Variants in RFX1 observed in about 807,000 individuals in gnomAD.
RFX1 encodes regulatory factor X1.
Under a neutral mutation model 119.6 loss-of-function variants are expected in RFX1, and 42 were observed. That is an observed-to-expected ratio of 0.35 (90% confidence interval 0.27 to 0.45). The LOEUF (loss-of-function observed/expected upper bound fraction) is 0.45. Ranked by LOEUF, RFX1 falls within the 20% of genes least tolerant of loss-of-function variation. RFX1 has a pLI of 1.00. For missense variants in RFX1, 1,118 were observed against 1,368.1 expected (o/e 0.82, Z 2.88); for synonymous variants, 628 against 618.5 (o/e 1.02, Z -0.23).
chr19:13,977,936 TG>T, intron 8 of RFX1, 55 bp downstream of exon 8: 2 of 1,351,264 alleles, frequency 1.5e-6, no homozygotes, highest in Admixed American at 1.9e-5. Context: ...CCTGGGAGAC[TG>T]GGGAGGCTCC....
At chr19:13,982,838 G>A (rs928443900) in intron 4 of RFX1, among the ~76,000 whole-genome samples, 6 of 152,194 alleles carry the variant, frequency 3.9e-5, no homozygotes, top group African/African-American at 1.2e-4. Flanking sequence ...CACCTCATGC[G>A]CAGCCTTCTG....
chr19:13,987,473 C>G (rs1043661051), intron 2 of RFX1, among the ~76,000 whole-genome samples: 2 of 152,170 alleles, frequency 1.3e-5, no homozygotes, highest in Non-Finnish European at 2.9e-5. Context: ...GGTCCCTGGT[C>G]AGCTCCGATT....
chr19:13,993,822 C>T lies in RFX1; in HGVS notation c.22G>A (p.Glu8Lys), dbSNP rs760268811. Residue 8 changes from glutamate (E) to lysine (K), a missense_variant, in exon 2 of 21, where the codon GAG (glutamate) becomes AAG (lysine). Glu to Lys is a moderately conservative substitution (Grantham distance 56, BLOSUM62 1). This residue lies in a region of RFX1 where 542 missense variants were observed against 602.7 expected (regional missense o/e 0.90). Coordinates refer to ENST00000254325, the MANE Select transcript of RFX1 (RefSeq NM_002918.5). ...GATGGTGGCGGGGCTGCCTGTAGCT[C>T]AGTATACGCCTGTGTTGCCATGCCA... The part of the protein sequence containing the change: MATQAYT[E>K]LQAAPPPSQP... 1 of 1,582,176 alleles carries T rather than the reference C, an allele frequency of 6.3e-7. No individual in the cohort carries two copies. Among genetic ancestry groups the T allele is most frequent in the Non-Finnish European group, 8.5e-7 (1 of 1,169,748 alleles).
chr19:13,964,146 A>G (rs1973818190), intron 16 of RFX1, 139 bp from the exon 17 acceptor site: 2 of 939,980 alleles, frequency 2.1e-6, no homozygotes, highest in Admixed American at 3.1e-5. Context: ...TTTTGTTGGG[A>G]CACAGAAGGA....
intron 1 of RFX1, among the ~76,000 whole-genome samples, chr19:14,004,660 T>C (rs1277178067): frequency 3.3e-5 from 5 of 152,158 alleles, no homozygotes; most frequent in Non-Finnish European, 7.3e-5. Context: ...CTGGAGAAGT[T>C]AGGACCCGCC....
intron 18 of RFX1, 46 bp downstream of exon 18, chr19:13,963,492 G>A (rs946103289): frequency 2.0e-6 from 3 of 1,528,508 alleles, no homozygotes; most frequent in African/African-American, 1.4e-5. Flanking sequence ...CAGGGACGCG[G>A]GGCCTTCCCT....
At position 13,965,843 on chromosome 19, in the gene RFX1, G is replaced by A; in HGVS notation, c.1962-66C>T. 2 of 1,565,968 alleles carry A rather than the reference G, an allele frequency of 1.3e-6. No homozygotes were observed. The highest frequency in any genetic ancestry group is 8.7e-7 in the Non-Finnish European group (1 of 1,151,230). ...ATGGTCCTGCCCCCATCGTCAGAAG[G>A]GAACAGGTAGCCCCTGTCCCTGACC... On this transcript the variant is annotated intron_variant, in intron 14 of 20. Transcript: ENST00000254325. The surrounding 1 kb of genome is among the most constrained non-coding windows in gnomAD (Gnocchi z 4.7).
rs368306820 is a variant in RFX1, at chr19:13,966,733, G to C, written c.1751C>G (p.Pro584Arg). ...QQFLDASRSL[P>R]DFTELDLQGK... Reference sequence around the variant, plus strand: ...CTGGAGGTCGAGCTCTGTGAAGTCAGGGAGGCTCCGAGAGGCATCTAGGGG... The same window carrying C: ...CTGGAGGTCGAGCTCTGTGAAGTCACGGAGGCTCCGAGAGGCATCTAGGGG... Residue 584 changes from proline to arginine, a missense_variant, in exon 13 of 21, where the codon CCT (proline) becomes CGT (arginine). By Grantham distance (103) the Pro-to-Arg change is moderately radical. Around this residue, in one of 5 missense-constraint regions of RFX1, gnomAD observed 338 missense variants for 508.9 expected, o/e 0.66. Coordinates refer to ENST00000254325, the MANE Select transcript of RFX1 (RefSeq NM_002918.5). This position sits in a 1 kb window ranked among gnomAD's most constrained non-coding sequence, Gnocchi z 6.3. 3.7e-6 allele frequency: 6 copies of C among 1,609,084 alleles called. No homozygotes were observed. Among genetic ancestry groups the C allele is most frequent in the Non-Finnish European group, 5.1e-6 (6 of 1,178,186 alleles).
intron 1 of RFX1, among the ~76,000 whole-genome samples, chr19:14,005,329 ACTTTGCTTCCT>A (rs1464365741): frequency 6.6e-6 from 1 of 152,118 alleles, no homozygotes; most frequent in Non-Finnish European, 1.5e-5. Context: ...CCTCCATGAA[ACTTTGCTTCCT>A]CTTTGCTTCC....
Position 13,961,894 on chromosome 19 carries a change from T to TG in RFX1, c.*800dup, listed in dbSNP as rs921675451. On this transcript the variant is annotated 3_prime_UTR_variant, in exon 21 of 21. Transcript: ENST00000254325. Reference sequence around the variant, plus strand: ...CACGAATCGCACAATAGTCATGGGGTGGGGGTCGCACGGCACGGAGGAGAA... The same window carrying TG: ...CACGAATCGCACAATAGTCATGGGGTGGGGGGTCGCACGGCACGGAGGAGAA... 11 of 151,792 alleles carry TG rather than the reference T, an allele frequency of 7.2e-5. No individual in the cohort carries two copies. The highest frequency in any genetic ancestry group is 2.7e-4 in the African/African-American group (11 of 41,254). 9.4% of individuals were successfully genotyped at this position (151,792 alleles called of 1,614,324 possible).
In RFX1 at chr19:13,962,580, A is replaced by T. The variant is rs1599467812; in HGVS notation, c.*115T>A. On this transcript the variant is annotated 3_prime_UTR_variant, in exon 21 of 21. Coordinates refer to ENST00000254325, the MANE Select transcript of RFX1 (RefSeq NM_002918.5). ...AGGGCCCCGGTCTTCCCTGTCTCGGAGTCCCCCTCCCTGCCCTGGCTGAGG... is the reference window on the plus strand; with the variant it reads ...AGGGCCCCGGTCTTCCCTGTCTCGGTGTCCCCCTCCCTGCCCTGGCTGAGG... 1 of 847,330 alleles carries T rather than the reference A, an allele frequency of 1.2e-6. No individual in the cohort carries two copies. Among genetic ancestry groups the T allele is most frequent in the East Asian group, 3.0e-5 (1 of 32,990 alleles). The allele number at this position is 847,330 out of a possible 1,614,324, so 52.5% of individuals were successfully genotyped here. A position where few individuals can be genotyped will look rare whatever the true frequency, so the allele number is the denominator to read the frequency against.
At position 13,969,705 on chromosome 19, in the gene RFX1, GAAA is replaced by G. The variant is rs1974013134; in HGVS notation, c.1496+286_1496+288del. On this transcript the variant is annotated intron_variant, in intron 10 of 20. Coordinates refer to ENST00000254325, the MANE Select transcript of RFX1 (RefSeq NM_002918.5). The surrounding 1 kb of genome is among the most constrained non-coding windows in gnomAD (Gnocchi z 4.5). ...GTGTGAGCGTGCTGAATGCTAAAGA[GAAA>G]AATAAAGCAGGGTTGGGGGGTGTCG... 2.7e-6 allele frequency: 1 copy of G among 366,258 alleles called. No homozygotes were observed. Among genetic ancestry groups the G allele is most frequent in the Non-Finnish European group, 4.9e-6 (1 of 202,652 alleles). 22.7% of individuals were successfully genotyped at this position (366,258 alleles called of 1,614,324 possible). A position where few individuals can be genotyped will look rare whatever the true frequency, so the allele number is the denominator to read the frequency against.
chr19:13,975,424 C>G (rs543452461), intron 8 of RFX1, among the ~76,000 whole-genome samples: 3 of 150,966 alleles, frequency 2.0e-5, no homozygotes, highest in Non-Finnish European at 4.4e-5. Flanking sequence ...GGTGGCCTGG[C>G]TCAGACTCTG....
intron 3 of RFX1, 21 bp downstream of exon 3, chr19:13,983,465 C>G: frequency 1.3e-6 from 2 of 1,565,024 alleles, no homozygotes; most frequent in Non-Finnish European, 1.7e-6. Context: ...TCCCCCACCC[C>G]CTGGGAGGGC....
chr19:13,972,416 A>G (rs1974111540), intron 9 of RFX1, among the ~76,000 whole-genome samples: 1 of 151,646 alleles, frequency 6.6e-6, no homozygotes, highest in South Asian at 2.1e-4. Flanking sequence ...CTGGTCTTGA[A>G]CTCCTGACTT....
At chr19:13,972,671 C>G (rs1974118551) in intron 9 of RFX1, 72 bp downstream of exon 9, 1 of 1,248,456 alleles carries the variant, frequency 8.0e-7, no homozygotes, top group Non-Finnish European at 1.1e-6. Context: ...TAACCACCGT[C>G]ATGGACTGGG....
intron 1 of RFX1, among the ~76,000 whole-genome samples, chr19:13,998,494 G>GA (rs57230251): frequency 0.069 from 9,703 of 140,416 alleles, 773 homozygotes; most frequent in African/African-American, 0.2. Context: ...TCTGTCTCAA[G>GA]AAAAAAAAAA....
rs1361381581 is a variant in RFX1, at chr19:13,965,254, GAA to G, written c.2211+193_2211+194del. ...ACACCACAAAGGGGGTTGCATTTCA[GAA>G]GTGGGTGCCTGAGGACACTGGTTTA... On this transcript the variant is annotated intron_variant, in intron 16 of 20. Coordinates refer to ENST00000254325, the MANE Select transcript of RFX1 (RefSeq NM_002918.5). This position sits in a 1 kb window ranked among gnomAD's most constrained non-coding sequence, Gnocchi z 4.7. 6.6e-6 allele frequency among the ~76,000 whole-genome samples: 1 copy of G among 152,190 alleles called. No individual in the cohort carries two copies. Among genetic ancestry groups the G allele is most frequent in the African/African-American group, 2.4e-5 (1 of 41,448 alleles).
rs999319159 is a variant in RFX1, at chr19:13,969,831, G to C, written c.1496+163C>G. On this transcript the variant is annotated intron_variant, in intron 10 of 20. Transcript: ENST00000254325. The surrounding 1 kb of genome is among the most constrained non-coding windows in gnomAD (Gnocchi z 4.5). ...GCACATGAGGTGGAAGGCACCGCCA[G>C]TGCAAAGGCCTAGAGTGGGAGTGAG... 2 of 623,600 alleles carry C rather than the reference G, an allele frequency of 3.2e-6. No individual in the cohort carries two copies. Among genetic ancestry groups the C allele is most frequent in the African/African-American group, 3.7e-5 (2 of 54,088 alleles). The allele number at this position is 623,600 out of a possible 1,614,324, so 38.6% of individuals were successfully genotyped here. A position where few individuals can be genotyped will look rare whatever the true frequency, so the allele number is the denominator to read the frequency against.
Sources: allele counts gnomAD v4.1 joint callset (sites outside exome capture counted in the v4.1 genomes callset), GRCh38; gene constraint gnomAD v4.1.1; regional missense constraint gnomAD v4.1.1; non-coding constraint Gnocchi (gnomAD v3.1); transcripts MANE v1.5; gene names NCBI Gene and HGNC (gene_info 2026-07-23, HGNC 2026-07-21).